The following KIF6 variants were observed in gnomAD, a reference collection of about 807,000 sequenced individuals.
KIF6 encodes kinesin family member 6, also known as kinesin-like protein KIF6.
KIF6 carries 106 observed loss-of-function variants against 112.7 expected under a neutral mutation model. The ratio of observed to expected loss-of-function variants is 0.94; its 90% CI spans 0.80 to 1.11. The LOEUF (loss-of-function observed/expected upper bound fraction) is 1.11. Among genes scored for constraint, KIF6 ranks in the 50% least tolerant of loss-of-function variants. The pLI is 0.00. For missense variants in KIF6, 929 were observed against 964.0 expected (o/e 0.96, Z 0.48); for synonymous variants, 339 against 339.9 (o/e 1.00, Z 0.03).
At chr6:39,616,106 A>G (rs1273490314) in intron 5 of KIF6, among the ~76,000 whole-genome samples, 1 of 152,198 alleles carries the variant, frequency 6.6e-6, no homozygotes, top group East Asian at 1.9e-4. Flanking sequence ...TTATTAGAAA[A>G]CCTTATATGG....
At chr6:39,485,821 T>C (rs1382056329) in intron 13 of KIF6, among the ~76,000 whole-genome samples, 1 of 152,184 alleles carries the variant, frequency 6.6e-6, no homozygotes, top group Non-Finnish European at 1.5e-5. Flanking sequence ...CTTGCACCCA[T>C]AGAGCACTTA....
chr6:39,418,164 T>A (rs374001085), intron 15 of KIF6, among the ~76,000 whole-genome samples: 1 of 152,220 alleles, frequency 6.6e-6, no homozygotes, highest in Admixed American at 6.5e-5. Flanking sequence ...AGATGAGCTA[T>A]GGATGGACAT....
chr6:39,569,681 T>C (rs947278775), intron 10 of KIF6, among the ~76,000 whole-genome samples: 1 of 152,224 alleles, frequency 6.6e-6, no homozygotes, highest in Non-Finnish European at 1.5e-5. Context: ...TCACTTCCTA[T>C]ATAAAATCTT....
intron 13 of KIF6, among the ~76,000 whole-genome samples, chr6:39,504,625 T>C (rs1776334597): frequency 6.6e-6 from 1 of 152,196 alleles, no homozygotes; most frequent in Non-Finnish European, 1.5e-5. Flanking sequence ...AAAAGCTTCT[T>C]AAGCTGGTAA....
intron 10 of KIF6, among the ~76,000 whole-genome samples, chr6:39,573,545 CTG>C (rs913723056): frequency 7.9e-5 from 12 of 152,142 alleles, no homozygotes; most frequent in African/African-American, 2.7e-4. Flanking sequence ...TTTTGTGAAA[CTG>C]TATGATTTGC....
At chr6:39,652,319 G>C (rs979907823) in intron 3 of KIF6, among the ~76,000 whole-genome samples, 1 of 151,878 alleles carries the variant, frequency 6.6e-6, no homozygotes, top group Non-Finnish European at 1.5e-5. Flanking sequence ...ACCTAAGGTC[G>C]GGAGTTCAAG....
chr6:39,720,378 C>T (rs1039142355), intron 2 of KIF6, among the ~76,000 whole-genome samples: 14 of 151,958 alleles, frequency 9.2e-5, no homozygotes, highest in East Asian at 1.9e-4. Flanking sequence ...AAGTTCTTAC[C>T]GTCAGTGAAG....
At chr6:39,542,753 G>C (rs1469931564) in intron 12 of KIF6, among the ~76,000 whole-genome samples, 1 of 152,174 alleles carries the variant, frequency 6.6e-6, no homozygotes, top group Non-Finnish European at 1.5e-5. Flanking sequence ...ACTCCGCAGT[G>C]CTCAAAGCAC....
intron 16 of KIF6, among the ~76,000 whole-genome samples, chr6:39,371,131 G>T (rs1418273534): frequency 1.3e-5 from 2 of 152,290 alleles, no homozygotes; most frequent in East Asian, 3.9e-4. Context: ...TGAATTTGGA[G>T]TTGGGAAAAA....
At chr6:39,430,988 C>T (rs1175863011) in intron 14 of KIF6, 65 bp downstream of exon 14, 1 of 873,192 alleles carries the variant, frequency 1.1e-6, no homozygotes, top group Non-Finnish European at 1.9e-6. Flanking sequence ...ACAGAGTAAG[C>T]AAATCTCTTC....
chr6:39,432,711 C>T lies in KIF6; in HGVS notation c.1646-1550G>A, dbSNP rs1027141461. On this transcript the variant is annotated intron_variant, in intron 13 of 22. Coordinates refer to ENST00000287152, the MANE Select transcript of KIF6 (RefSeq NM_145027.6). ...GATGCATGAGAGACATTGAGGGGCA[C>T]GTTTCACCAGCAGAGCCCATTAGGA... Among the ~76,000 whole-genome samples, 17 of 152,276 alleles carry T rather than the reference C, an allele frequency of 1.1e-4. No homozygotes were observed. The East Asian group carries it at 2.7e-3, about 24-fold the overall frequency.
chr6:39,703,563 G>A (rs1789009914), intron 3 of KIF6, among the ~76,000 whole-genome samples: 1 of 152,032 alleles, frequency 6.6e-6, no homozygotes, highest in Non-Finnish European at 1.5e-5. Context: ...AAGTAAATTT[G>A]TTCCTATTAT....
At chr6:39,443,641 G>A (rs1176090757) in intron 13 of KIF6, among the ~76,000 whole-genome samples, 3 of 151,800 alleles carry the variant, frequency 2.0e-5, no homozygotes, top group East Asian at 3.9e-4. Flanking sequence ...ATGGGGTTTC[G>A]CCATGTTGGC....
intron 12 of KIF6, among the ~76,000 whole-genome samples, chr6:39,540,989 A>G (rs1393211129): frequency 2.0e-5 from 3 of 152,170 alleles, no homozygotes; most frequent in Non-Finnish European, 4.4e-5. Flanking sequence ...TTTTTGTCCA[A>G]TCTGCTAAAT....
intron 13 of KIF6, among the ~76,000 whole-genome samples, chr6:39,521,509 G>C (rs540783309): frequency 1.3e-4 from 20 of 152,222 alleles, no homozygotes; most frequent in African/African-American, 4.8e-4. Flanking sequence ...CCATCCCTAG[G>C]AGAGCTGCTG....
intron 13 of KIF6, among the ~76,000 whole-genome samples, chr6:39,444,729 C>T (rs567734102): frequency 6.3e-4 from 95 of 151,930 alleles, no homozygotes; most frequent in African/African-American, 2.0e-3. Flanking sequence ...CTTTTGCATG[C>T]TATGTTGCTA....
chr6:39,697,096 A>G (rs1173518017), intron 3 of KIF6, among the ~76,000 whole-genome samples: 1 of 152,122 alleles, frequency 6.6e-6, no homozygotes, highest in Non-Finnish European at 1.5e-5. Context: ...TATTAACCCA[A>G]AGCGGAGGTT....
At chr6:39,523,129 G>C (rs1777493346) in intron 13 of KIF6, among the ~76,000 whole-genome samples, 1 of 152,094 alleles carries the variant, frequency 6.6e-6, no homozygotes. Flanking sequence ...TATCCACTCA[G>C]AAACCTGAGT....
intron 13 of KIF6, among the ~76,000 whole-genome samples, chr6:39,501,161 C>T (rs1776112048): frequency 6.6e-6 from 1 of 152,136 alleles, no homozygotes; most frequent in Non-Finnish European, 1.5e-5. Flanking sequence ...AAGGAAGCAA[C>T]TTCACCAGTG....
Sources: allele counts gnomAD v4.1 joint callset (sites outside exome capture counted in the v4.1 genomes callset), GRCh38; gene constraint gnomAD v4.1.1; transcripts MANE v1.5; gene names NCBI Gene and HGNC (gene_info 2026-07-23, HGNC 2026-07-21).